Variants in ADAMTS12 observed in about 807,000 individuals in gnomAD.
The protein encoded by ADAMTS12 is A disintegrin and metalloproteinase with thrombospondin motifs 12.
A neutral mutation model predicts 167.8 loss-of-function variants in ADAMTS12; 118 were observed. That is an observed-to-expected ratio of 0.70 (90% CI 0.61 to 0.82). The LOEUF (loss-of-function observed/expected upper bound fraction) is 0.82, where lower values mean the gene tolerates loss of function less well. ADAMTS12 is among the 40% of genes least tolerant of loss of function. The pLI, the probability that ADAMTS12 is intolerant of heterozygous loss-of-function variation, is 0.00. For missense variants in ADAMTS12, 1,916 were observed against 1,998.8 expected, an observed-to-expected ratio of 0.96 and a Z score of 0.79; for synonymous variants, 704 against 716.9, an observed-to-expected ratio of 0.98 and a Z score of 0.29.
intron 2 of ADAMTS12, among the ~76,000 whole-genome samples, chr5:33,828,860 G>A (rs1483181226): frequency 6.6e-6 from 1 of 152,172 alleles, no homozygotes; most frequent in African/African-American, 2.4e-5. Flanking sequence ...GGGCTCTGTC[G>A]CAGTAGATTC....
At chr5:33,640,572 T>C (rs960329166) in intron 11 of ADAMTS12, among the ~76,000 whole-genome samples, 1 of 152,196 alleles carries the variant, frequency 6.6e-6, no homozygotes, top group Admixed American at 6.5e-5. Context: ...AAATACTCTA[T>C]GAGAAACTCT....
intron 2 of ADAMTS12, among the ~76,000 whole-genome samples, chr5:33,833,523 T>C (rs1748388371): frequency 6.6e-6 from 1 of 152,162 alleles, no homozygotes; most frequent in Admixed American, 6.5e-5. Flanking sequence ...TTCAAAAACC[T>C]CCCTAGAACA....
chr5:33,782,425 T>G (rs1489393097), intron 2 of ADAMTS12, among the ~76,000 whole-genome samples: 1 of 151,948 alleles, frequency 6.6e-6, no homozygotes, highest in Non-Finnish European at 1.5e-5. Flanking sequence ...TAAACAGATG[T>G]AAATCCAACC....
At chr5:33,790,762 C>T (rs962677408) in intron 2 of ADAMTS12, among the ~76,000 whole-genome samples, 3 of 141,500 alleles carry the variant, frequency 2.1e-5, no homozygotes, top group Admixed American at 7.2e-5. Flanking sequence ...TCTAATCAAA[C>T]TTCTAGCTTG....
chr5:33,794,799 G>A (rs1353100898), intron 2 of ADAMTS12, among the ~76,000 whole-genome samples: 5 of 152,080 alleles, frequency 3.3e-5, no homozygotes, highest in African/African-American at 1.2e-4. Flanking sequence ...GGGGGAGATC[G>A]CTGACTCCAG....
intron 10 of ADAMTS12, among the ~76,000 whole-genome samples, chr5:33,643,033 T>A (rs1014244931): frequency 6.6e-6 from 1 of 152,200 alleles, no homozygotes; most frequent in African/African-American, 2.4e-5. Context: ...GCTTATCCTT[T>A]TCAATCTTCC....
intron 2 of ADAMTS12, among the ~76,000 whole-genome samples, chr5:33,776,828 G>A (rs891790202): frequency 4.0e-5 from 6 of 151,896 alleles, no homozygotes; most frequent in African/African-American, 1.4e-4. Context: ...AATAAAATCA[G>A]AAATGAAAGA....
At position 33,710,791 on chromosome 5, in the gene ADAMTS12, G is replaced by A. The variant is rs74471069; in HGVS notation, c.635-26736C>T. Among the ~76,000 whole-genome samples the A allele has an allele frequency of 3.5e-3, 533 of 152,244 alleles. 6 individuals carry two copies. Among genetic ancestry groups the A allele is most frequent in the Admixed American group, 0.023 (358 of 15,278 alleles). ...CCATTTAAGTTGAGACCTCAGTGAC[G>A]AAAAGCCTATGTGCAGACACACAGA... On this transcript the variant is annotated intron_variant, in intron 3 of 23. Transcript: ENST00000504830.
chr5:33,668,849 C>A (rs1741571449), intron 5 of ADAMTS12, among the ~76,000 whole-genome samples: 1 of 152,150 alleles, frequency 6.6e-6, no homozygotes, highest in African/African-American at 2.4e-5. Flanking sequence ...AGTCAGTCAC[C>A]ATTTATCAGA....
At chr5:33,627,981 G>A (rs184033655) in intron 13 of ADAMTS12, among the ~76,000 whole-genome samples, 15 of 152,278 alleles carry the variant, frequency 9.9e-5, no homozygotes, top group Middle Eastern at 3.4e-3. Flanking sequence ...TTTATTTTAA[G>A]GAGTGCACAG....
At chr5:33,689,461 G>A (rs1579840493) in intron 3 of ADAMTS12, among the ~76,000 whole-genome samples, 1 of 151,966 alleles carries the variant, frequency 6.6e-6, no homozygotes, top group South Asian at 2.1e-4. Flanking sequence ...AACCAGCTGA[G>A]TCCTAGTCCT....
At chr5:33,758,094 G>C (rs1387945878) in intron 2 of ADAMTS12, among the ~76,000 whole-genome samples, 1 of 152,176 alleles carries the variant, frequency 6.6e-6, no homozygotes, top group Non-Finnish European at 1.5e-5. Flanking sequence ...AAACGAGTCA[G>C]TGTAAAGTGC....
At chr5:33,790,465 A>C (rs186458226) in intron 2 of ADAMTS12, among the ~76,000 whole-genome samples, 28 of 151,916 alleles carry the variant, frequency 1.8e-4, no homozygotes, top group African/African-American at 5.8e-4. Flanking sequence ...AGGCAGAAGA[A>C]TCGCTTGAAC....
chr5:33,860,139 A>G (rs1432506174), intron 2 of ADAMTS12, among the ~76,000 whole-genome samples: 1 of 152,182 alleles, frequency 6.6e-6, no homozygotes, highest in East Asian at 1.9e-4. Flanking sequence ...CCAGCAAGGG[A>G]AGAAAACTGG....
chr5:33,601,537 G>A (rs1000870475), intron 16 of ADAMTS12, among the ~76,000 whole-genome samples: 4 of 152,090 alleles, frequency 2.6e-5, no homozygotes, highest in East Asian at 1.9e-4. Context: ...GGAATAAAGC[G>A]AACTCAACTC....
At chr5:33,767,676 T>G (rs1296481196) in intron 2 of ADAMTS12, among the ~76,000 whole-genome samples, 1 of 152,154 alleles carries the variant, frequency 6.6e-6, no homozygotes, top group Non-Finnish European at 1.5e-5. Context: ...TACATTCTGT[T>G]CCTAAGAGCC....
chr5:33,830,737 A>G (rs573886371), intron 2 of ADAMTS12, among the ~76,000 whole-genome samples: 1 of 152,276 alleles, frequency 6.6e-6, no homozygotes, highest in African/African-American at 2.4e-5. Context: ...GGCTGCAGTG[A>G]GCCATGATTA....
chr5:33,705,015 T>A (rs896416983), intron 3 of ADAMTS12, among the ~76,000 whole-genome samples: 1 of 152,172 alleles, frequency 6.6e-6, no homozygotes, highest in African/African-American at 2.4e-5. Flanking sequence ...GGTTCAATTT[T>A]ATGCTTTTGC....
At chr5:33,671,672 A>G (rs1482078636) in intron 5 of ADAMTS12, among the ~76,000 whole-genome samples, 1 of 152,080 alleles carries the variant, frequency 6.6e-6, no homozygotes, top group Non-Finnish European at 1.5e-5. Context: ...CAGATGAGTT[A>G]CAGTGGGTAG....
Sources: gnomAD v4.1 joint callset for allele counts (sites outside exome capture counted in the v4.1 genomes callset) on GRCh38, gnomAD v4.1.1 for gene constraint, MANE v1.5 for transcripts, NCBI Gene and HGNC (gene_info 2026-07-23, HGNC 2026-07-21) for gene names.